The following QTGAL variants were observed in gnomAD, a reference collection of about 807,000 sequenced individuals.
QTGAL encodes the protein queuosine-tRNA galactosyltransferase, also known as BGnT-like protein 1.
the QTGAL span, chr17:82,957,458 T>C: frequency 6.2e-7 from 1 of 1,610,680 alleles, no homozygotes; most frequent in East Asian, 2.2e-5. Context: ...GGGCCTGCTC[T>C]TCCAGGAAGC....
the QTGAL span, among the ~76,000 whole-genome samples, chr17:83,049,615 T>A: frequency 6.6e-6 from 1 of 152,158 alleles, no homozygotes; most frequent in South Asian, 2.1e-4. Flanking sequence ...TTAGAAAACC[T>A]GCAACAAAGT....
At chr17:83,007,990 C>T in the QTGAL span, among the ~76,000 whole-genome samples, 1 of 152,248 alleles carries the variant, frequency 6.6e-6, no homozygotes, top group Non-Finnish European at 1.5e-5. Flanking sequence ...CAACAGCGCC[C>T]AGCCGCGATG....
chr17:82,972,646 C>T, the QTGAL span, among the ~76,000 whole-genome samples: 1 of 126,814 alleles, frequency 7.9e-6, no homozygotes, highest in East Asian at 2.5e-4. Flanking sequence ...CTGGTGCCCA[C>T]CACACCACAC....
the QTGAL span, among the ~76,000 whole-genome samples, chr17:83,014,702 T>G: frequency 6.6e-6 from 1 of 152,232 alleles, no homozygotes; most frequent in Non-Finnish European, 1.5e-5. Flanking sequence ...ATTACAGGCT[T>G]GAGCCACCAT....
At chr17:82,998,100 A>G in the QTGAL span, among the ~76,000 whole-genome samples, 1 of 151,912 alleles carries the variant, frequency 6.6e-6, no homozygotes, top group Non-Finnish European at 1.5e-5. Context: ...CTTAAAAATA[A>G]CTAAAAGAAT....
chr17:82,958,761 C>T, the QTGAL span, among the ~76,000 whole-genome samples: 14 of 148,376 alleles, frequency 9.4e-5, no homozygotes, highest in African/African-American at 3.6e-4. Flanking sequence ...CAGGGAGATG[C>T]TTATCCCAGT....
chr17:83,010,173 C>G, the QTGAL span, among the ~76,000 whole-genome samples: 16 of 152,136 alleles, frequency 1.1e-4, no homozygotes, highest in African/African-American at 3.6e-4. Flanking sequence ...GCTCGTTCAA[C>G]CACCAGGCAG....
the QTGAL span, among the ~76,000 whole-genome samples, chr17:83,028,720 T>C: frequency 6.6e-6 from 1 of 152,134 alleles, no homozygotes; most frequent in Admixed American, 6.5e-5. Context: ...GTTCAGCAGG[T>C]TCCTTTAAGG....
At chr17:83,040,033 C>A in the QTGAL span, among the ~76,000 whole-genome samples, 30,847 of 152,138 alleles carry the variant, frequency 0.2, 3,285 homozygotes, top group Non-Finnish European at 0.24. Context: ...AAGACTCCCT[C>A]AGGACCAAGT....
the QTGAL span, among the ~76,000 whole-genome samples, chr17:82,987,859 G>A: frequency 2.0e-5 from 3 of 152,250 alleles, no homozygotes; most frequent in South Asian, 6.2e-4. Flanking sequence ...AGTTACTTTG[G>A]GCAGTATGGC....
the QTGAL span, among the ~76,000 whole-genome samples, chr17:83,045,248 C>T: frequency 1.2e-3 from 180 of 152,228 alleles, no homozygotes; most frequent in Middle Eastern, 3.4e-3. Context: ...TATAGACCAA[C>T]GGAATAGAAT....
At chr17:82,961,469 G>A in the QTGAL span, 2 of 428,958 alleles carry the variant, frequency 4.7e-6, no homozygotes, top group East Asian at 8.0e-5. Context: ...CAAAGAGGAA[G>A]ACAGGCAGCC....
chr17:83,027,274 T>A, the QTGAL span, among the ~76,000 whole-genome samples: 3 of 152,180 alleles, frequency 2.0e-5, no homozygotes, highest in African/African-American at 7.2e-5. Flanking sequence ...CACAATTCCA[T>A]GGAGAAAAGA....
chr17:83,002,598 C>T, the QTGAL span, among the ~76,000 whole-genome samples: 1 of 152,180 alleles, frequency 6.6e-6, no homozygotes, highest in Non-Finnish European at 1.5e-5. Flanking sequence ...CCAAGGGCCC[C>T]ACAGAGGATG....
chr17:83,005,290 C>T, the QTGAL span: 1 of 1,208,058 alleles, frequency 8.3e-7, no homozygotes, highest in East Asian at 2.4e-5. The surrounding 1 kb of genome is among the most constrained non-coding windows in gnomAD (Gnocchi z 5.6). Context: ...GTATTCATCT[C>T]ACATGTTTTA....
the QTGAL span, chr17:82,948,906 A>C: frequency 5.2e-5 from 8 of 152,382 alleles, no homozygotes; most frequent in African/African-American, 1.9e-4. Context: ...ATTGTCTTAG[A>C]ATGAATCAGA....
At chr17:82,967,038 TAGTC>T in the QTGAL span, among the ~76,000 whole-genome samples, 10 of 152,140 alleles carry the variant, frequency 6.6e-5, no homozygotes, top group Non-Finnish European at 1.2e-4. Flanking sequence ...AGACGTAAAT[TAGTC>T]AGGTCGTGAA....
chr17:83,038,936 G>A, the QTGAL span, among the ~76,000 whole-genome samples: 35 of 142,300 alleles, frequency 2.5e-4, no homozygotes, highest in African/African-American at 8.8e-4. Context: ...ACAGAAGCAA[G>A]TTGAAACAGA....
At chr17:82,965,885 G>C in the QTGAL span, 1 of 890,346 alleles carries the variant, frequency 1.1e-6, no homozygotes, top group Non-Finnish European at 1.8e-6. Context: ...GGCCTCAAGA[G>C]ACTTCACCAC....
Sources: allele counts gnomAD v4.1 joint callset (sites outside exome capture counted in the v4.1 genomes callset), GRCh38; gene constraint gnomAD v4.1.1; non-coding constraint Gnocchi (gnomAD v3.1); transcripts MANE v1.5; gene names NCBI Gene and HGNC (gene_info 2026-07-23, HGNC 2026-07-21).